Variants in ZNF773 observed in about 807,000 individuals in gnomAD.
ZNF773 encodes the protein zinc finger protein 419B.
In ZNF773, 11 loss-of-function variants were observed where a neutral mutation model predicts 12.8. That is an observed-to-expected ratio of 0.86 (90% CI 0.54 to 1.42). ZNF773 has a LOEUF of 1.42. ZNF773 is among the 40% of genes most tolerant of loss of function. The pLI, the probability that ZNF773 is intolerant of heterozygous loss-of-function variation, is 0.00. For missense variants in ZNF773, 518 were observed against 527.2 expected (o/e 0.98, Z 0.17); for synonymous variants, 175 against 178.4 (o/e 0.98, Z 0.15).
downstream of ZNF773, chr19:57,508,480 G>T: frequency 1.4e-6 from 1 of 692,670 alleles, no homozygotes; most frequent in Non-Finnish European, 2.6e-6. Flanking sequence ...CCTTATGTCC[G>T]CTTCCAGAGA....
chr19:57,506,631 A>G lies in ZNF773; in HGVS notation c.536A>G (p.Lys179Arg), dbSNP rs143991238. 8.6e-5 allele frequency: 139 copies of G among 1,614,216 alleles called. No homozygotes were observed. In the African/African-American group the frequency reaches 1.8e-3, roughly 21 times the overall value. ...HTGEKSHRSS[K>R]SREAFHAGKR... ...GGAGAGAAGTCACATAGGAGCTCCA[A>G]AAGTAGGGAGGCCTTTCATGCTGGA... Residue 179 changes from lysine to arginine, a missense_variant, in exon 4 of 4, where the codon AAA (lysine) becomes AGA (arginine). Transcript: ENST00000282292.
At position 57,507,089 on chromosome 19, in the gene ZNF773, A is replaced by G. The variant is rs2089747006; in HGVS notation, c.994A>G (p.Lys332Glu). 4.3e-6 allele frequency: 7 copies of G among 1,613,886 alleles called. No individual in the cohort carries two copies. Among genetic ancestry groups the G allele is most frequent in the Non-Finnish European group, 5.9e-6 (7 of 1,179,970 alleles). The change falls in exon 4 of 4, where the codon AAG becomes GAG. Residue 332 changes from lysine to glutamate, a missense_variant. Coordinates refer to ENST00000282292, the MANE Select transcript of ZNF773 (RefSeq NM_198542.3). ...QRVHTGERPYKCSECGKFYSH... is the reference protein window; with the variant it reads ...QRVHTGERPYECSECGKFYSH... ...AGTTCACACTGGAGAAAGACCTTAT[A>G]AGTGCAGTGAATGTGGAAAATTCTA...
chr19:57,507,239 A>G lies in ZNF773; in HGVS notation c.1144A>G (p.Thr382Ala). ...SSLMQHRKVH[T>A]GEKPFKCNEC... Reference sequence around the variant, plus strand: ...CCTCATGCAACATCGAAAAGTTCACACTGGAGAAAAACCTTTTAAGTGCAA... The same window carrying G: ...CCTCATGCAACATCGAAAAGTTCACGCTGGAGAAAAACCTTTTAAGTGCAA... Residue 382 changes from threonine (T) to alanine (A), a missense_variant, in exon 4 of 4, where the codon ACT becomes GCT. Thr to Ala is a moderately conservative substitution (Grantham distance 58). Coordinates refer to ENST00000282292, the MANE Select transcript of ZNF773 (RefSeq NM_198542.3). 1 of 1,610,998 alleles carries G rather than the reference A, an allele frequency of 6.2e-7. No individual in the cohort carries two copies. The highest frequency in any genetic ancestry group is 8.5e-7 in the Non-Finnish European group (1 of 1,177,812).
downstream of ZNF773, among the ~76,000 whole-genome samples, chr19:57,511,062 T>A (rs2089790898): frequency 6.6e-6 from 1 of 151,266 alleles, no homozygotes; most frequent in African/African-American, 2.4e-5. Flanking sequence ...TTTATTTTTT[T>A]TTTTTTTGAG....
At chr19:57,515,518 T>C (rs2089826144), downstream of ZNF773, 1 of 152,236 alleles carries the variant, frequency 6.6e-6, no homozygotes, top group Admixed American at 6.5e-5. Context: ...TAGCAGCCTT[T>C]GGCAAACTCA....
chr19:57,501,965 G>A lies in ZNF773; in HGVS notation c.33+1852G>A, dbSNP rs186203252. ...TTATTTATTTATTTATTTTTGAGAC[G>A]GAATTTAGCTCTTGTTGCCCAGGCT... On this transcript the variant is annotated intron_variant, in intron 1 of 3. Coordinates refer to ENST00000282292, the MANE Select transcript of ZNF773 (RefSeq NM_198542.3). Among the ~76,000 whole-genome samples, 298 of 152,130 alleles carry A rather than the reference G, an allele frequency of 2.0e-3. 2 individuals carry two copies. Among genetic ancestry groups the A allele is most frequent in the Admixed American group, 3.5e-3 (53 of 15,278 alleles).
At chr19:57,510,353 C>T (rs942355414), downstream of ZNF773, among the ~76,000 whole-genome samples, 3 of 152,112 alleles carry the variant, frequency 2.0e-5, no homozygotes, top group African/African-American at 7.2e-5. Context: ...ATACACACAG[C>T]AAACTAGAAC....
In ZNF773 at chr19:57,506,757, G is replaced by T. The variant is rs148693475; in HGVS notation, c.662G>T (p.Cys221Phe). Reference protein sequence around the residue: ...RLHTGEKPYECSECGKLFSHK... With the variant: ...RLHTGEKPYEFSECGKLFSHK... ...CACACTGGGGAAAAGCCTTATGAAT[G>T]CAGTGAATGTGGGAAGTTATTTAGC... Residue 221 changes from cysteine to phenylalanine, a missense_variant, in exon 4 of 4, where the codon TGC becomes TTC. Coordinates refer to ENST00000282292, the MANE Select transcript of ZNF773 (RefSeq NM_198542.3). 1.9e-6 allele frequency: 3 copies of T among 1,614,222 alleles called. No individual in the cohort carries two copies. In the East Asian group the frequency reaches 6.7e-5, roughly 36 times the overall value.
At chr19:57,501,024 G>A (rs1175625211) in intron 1 of ZNF773, among the ~76,000 whole-genome samples, 2 of 152,166 alleles carry the variant, frequency 1.3e-5, no homozygotes, top group Non-Finnish European at 2.9e-5. Flanking sequence ...GATGGAGACC[G>A]CAGTGTTGGG....
At chr19:57,504,021 C>CTGT (rs1337016215) in intron 1 of ZNF773, among the ~76,000 whole-genome samples, 2 of 152,170 alleles carry the variant, frequency 1.3e-5, no homozygotes, top group African/African-American at 4.8e-5. Context: ...CTTTTCAACA[C>CTGT]AGAAATGGAA....
downstream of ZNF773, chr19:57,517,976 T>C (rs776098779): frequency 6.5e-6 from 1 of 153,800 alleles, no homozygotes; most frequent in African/African-American, 2.4e-5. Context: ...TTTTTGTTCA[T>C]AGTCTGTAAA....
downstream of ZNF773, chr19:57,512,956 C>T (rs1244355735): frequency 2.0e-6 from 3 of 1,473,798 alleles, no homozygotes; most frequent in East Asian, 5.8e-5. Flanking sequence ...AGCAAGGAGC[C>T]CTCTGACCCC....
chr19:57,502,330 G>A (rs6650761), intron 1 of ZNF773, among the ~76,000 whole-genome samples: 31,498 of 152,152 alleles, frequency 0.21, 3,391 homozygotes, highest in African/African-American at 0.25. Context: ...TAGAAAATAC[G>A]TGGAGGTAAG....
downstream of ZNF773, among the ~76,000 whole-genome samples, chr19:57,509,233 A>G (rs2089777757): frequency 2.6e-5 from 4 of 152,244 alleles, no homozygotes; most frequent in African/African-American, 7.2e-5. Context: ...ATCTTTGCCT[A>G]TAAATAAAAG....
downstream of ZNF773, among the ~76,000 whole-genome samples, chr19:57,510,761 T>G (rs1024927013): frequency 6.6e-6 from 1 of 152,156 alleles, no homozygotes; most frequent in African/African-American, 2.4e-5. Flanking sequence ...CATAAAAATA[T>G]GAAATATTTA....
Position 57,507,796 on chromosome 19 carries a change from A to G in ZNF773, c.*372A>G. ...GAAACCATCCTGGTTAACACAATGA[A>G]ACCACATCTCTACTAAAAATACAAA... On this transcript the variant is annotated 3_prime_UTR_variant, in exon 4 of 4. Transcript: ENST00000282292. 1.3e-6 allele frequency: 1 copy of G among 749,558 alleles called. No homozygotes were observed. Among genetic ancestry groups the G allele is most frequent in the African/African-American group, 1.9e-5 (1 of 52,602 alleles). The allele number at this position is 749,558 out of a possible 1,614,324, so 46.4% of individuals were successfully genotyped here. A position where few individuals can be genotyped will look rare whatever the true frequency, so the allele number is the denominator to read the frequency against.
downstream of ZNF773, chr19:57,508,670 C>CAT (rs1421791370): frequency 1.6e-6 from 1 of 629,834 alleles, no homozygotes; most frequent in East Asian, 2.7e-5. Context: ...TCCATTTCTT[C>CAT]ATATTACTGA....
At position 57,506,347 on chromosome 19, in the gene ZNF773, T is replaced by C. The variant is rs775861616; in HGVS notation, c.263-11T>C. On this transcript the variant is annotated splice_polypyrimidine_tract_variant and intron_variant, in intron 3 of 3. Coordinates refer to ENST00000282292, the MANE Select transcript of ZNF773 (RefSeq NM_198542.3). ...ACTACATTTACTTCATCAACATTTC[T>C]CTTCTTTCAGGTAGTTGGCAAGGAG... 1 of 1,597,396 alleles carries C rather than the reference T, an allele frequency of 6.3e-7. No homozygotes were observed. Among genetic ancestry groups the C allele is most frequent in the South Asian group, 1.1e-5 (1 of 88,816 alleles).
At chr19:57,511,226 AT>A (rs2089792697), downstream of ZNF773, among the ~76,000 whole-genome samples, 1 of 151,262 alleles carries the variant, frequency 6.6e-6, no homozygotes, top group African/African-American at 2.4e-5. Flanking sequence ...ACTTTTTTGT[AT>A]TTTTTAGTAG....
Sources: allele counts gnomAD v4.1 joint callset (sites outside exome capture counted in the v4.1 genomes callset), GRCh38; gene constraint gnomAD v4.1.1; transcripts MANE v1.5; gene names NCBI Gene and HGNC (gene_info 2026-07-23, HGNC 2026-07-21).